The following DFFB variants were observed in gnomAD, a reference collection of about 807,000 sequenced individuals.
DFFB encodes the protein DNA fragmentation factor subunit beta.
A neutral mutation model predicts 32.7 loss-of-function variants in DFFB; 29 were observed. The observed-to-expected ratio is 0.89, with a 90% CI of 0.66 to 1.21. The LOEUF (loss-of-function observed/expected upper bound fraction) is 1.21. Among genes scored for constraint, DFFB ranks in the 50% most tolerant of loss-of-function variants. The pLI is 0.00. For synonymous variants in DFFB, 170 were observed against 177.1 expected (o/e 0.96, Z 0.32); for missense variants, 398 against 440.6 (o/e 0.90, Z 0.87).
At chr1:3,880,149 G>C (rs1376657737) in intron 6 of DFFB, among the ~76,000 whole-genome samples, 1 of 152,162 alleles carries the variant, frequency 6.6e-6, no homozygotes, top group Admixed American at 6.5e-5. Context: ...TTGGCCCCAT[G>C]GGCCATCAGC....
chr1:3,872,115 G>C (rs1163982220), intron 5 of DFFB, among the ~76,000 whole-genome samples: 1 of 152,296 alleles, frequency 6.6e-6, no homozygotes, highest in Middle Eastern at 3.4e-3. Context: ...GACTGAGACT[G>C]TATGAGACTC....
intron 2 of DFFB, among the ~76,000 whole-genome samples, chr1:3,864,572 C>G (rs10752724): frequency 0.91 from 138,936 of 152,232 alleles, 64,086 homozygotes; most frequent in Middle Eastern, 0.96. Context: ...CTGTTGCCCA[C>G]GTTGGAGTGC....
At chr1:3,873,038 A>G in intron 6 of DFFB, 1 of 1,218,852 alleles carries the variant, frequency 8.2e-7, no homozygotes, top group Non-Finnish European at 1.1e-6. Flanking sequence ...TCTGTGGCCC[A>G]GGCTAAAGTG....
chr1:3,883,773 A>G lies in DFFB; in HGVS notation c.*32A>G. Reference sequence around the variant, plus strand: ...CACACCACGTCCTGGTCTTTGTTTGAGGCCTGACGTGGGCATCATTTTAAC... The same window carrying G: ...CACACCACGTCCTGGTCTTTGTTTGGGGCCTGACGTGGGCATCATTTTAAC... On this transcript the variant is annotated 3_prime_UTR_variant, in exon 7 of 7. Coordinates refer to ENST00000378209, the MANE Select transcript of DFFB (RefSeq NM_004402.4). 1 of 1,586,644 alleles carries G rather than the reference A, an allele frequency of 6.3e-7. No individual in the cohort carries two copies. The highest frequency in any genetic ancestry group is 8.6e-7 in the Non-Finnish European group (1 of 1,158,530).
chr1:3,866,281 C>T lies in DFFB; in HGVS notation c.430+281C>T, dbSNP rs553115974. ...TGAGATGGAGTCTTGCTCTGTCCCC[C>T]AGGCTGGAGTGCAGTGGCGTGATCT... On this transcript the variant is annotated intron_variant, in intron 3 of 6. Coordinates refer to ENST00000378209, the MANE Select transcript of DFFB (RefSeq NM_004402.4). The T allele has an allele frequency of 1.2e-5, 6 of 502,586 alleles. No individual in the cohort carries two copies. The East Asian group carries it at 1.6e-4, about 13-fold the overall frequency. 31.1% of individuals were successfully genotyped at this position (502,586 alleles called of 1,614,324 possible).
Position 3,884,225 on chromosome 1 carries a change from G to GAC in DFFB, c.*486_*487dup, listed in dbSNP as rs1244874586. On this transcript the variant is annotated 3_prime_UTR_variant, in exon 7 of 7. Transcript: ENST00000378209. Reference sequence around the variant, plus strand: ...CCTTCTGACAGCCCAACTTCCAGAGGACAGCTCTGGGGTACTCGTTGGATG... The same window carrying GAC: ...CCTTCTGACAGCCCAACTTCCAGAGGACACAGCTCTGGGGTACTCGTTGGATG... 5.3e-6 allele frequency: 1 copy of GAC among 189,350 alleles called. No homozygotes were observed. Among genetic ancestry groups the GAC allele is most frequent in the Non-Finnish European group, 1.1e-5 (1 of 90,020 alleles). 11.7% of individuals were successfully genotyped at this position (189,350 alleles called of 1,614,324 possible).
At chr1:3,866,935 G>A (rs929222344) in intron 3 of DFFB, among the ~76,000 whole-genome samples, 1 of 152,008 alleles carries the variant, frequency 6.6e-6, no homozygotes, top group African/African-American at 2.4e-5. Flanking sequence ...TTGCTCTGTT[G>A]CCCAGGCTGG....
chr1:3,874,850 G>A (rs555324740), intron 6 of DFFB, among the ~76,000 whole-genome samples: 4 of 150,124 alleles, frequency 2.7e-5, no homozygotes, highest in South Asian at 2.1e-4. Context: ...TACCACATGC[G>A]TGTGGGTTTA....
intron 2 of DFFB, among the ~76,000 whole-genome samples, chr1:3,862,930 A>C (rs1644905467): frequency 1.3e-5 from 2 of 152,136 alleles, no homozygotes; most frequent in Non-Finnish European, 2.9e-5. Flanking sequence ...CGGGCAGATC[A>C]CTTGAGGTCA....
At chr1:3,859,126 A>G (rs1365826554) in intron 2 of DFFB, among the ~76,000 whole-genome samples, 2 of 152,124 alleles carry the variant, frequency 1.3e-5, no homozygotes, top group African/African-American at 2.4e-5. Context: ...GCAATTCCCA[A>G]GAGCAGAGGG....
rs139391933 is a variant in DFFB, at chr1:3,866,300, G to A, written c.430+300G>A. On this transcript the variant is annotated intron_variant, in intron 3 of 6. Transcript: ENST00000378209. ...GTCCCCCAGGCTGGAGTGCAGTGGC[G>A]TGATCTTGGCTCACCGCAACCTCTG... 3.5e-3 allele frequency: 1,625 copies of A among 465,906 alleles called. 30 individuals are homozygous for A. Among genetic ancestry groups the A allele is most frequent in the African/African-American group, 0.029 (1,469 of 50,472 alleles). 28.9% of individuals were successfully genotyped at this position (465,906 alleles called of 1,614,324 possible). A position where few individuals can be genotyped will look rare whatever the true frequency, so the allele number is the denominator to read the frequency against.
At position 3,869,608 on chromosome 1, in the gene DFFB, A is replaced by G; in HGVS notation, c.514A>G (p.Ser172Gly). 2 of 1,607,112 alleles carry G rather than the reference A, an allele frequency of 1.2e-6. No homozygotes were observed. The highest frequency in any genetic ancestry group is 1.7e-6 in the Non-Finnish European group (2 of 1,177,108). The change falls in exon 5 of 7, where the codon AGC becomes GGC. Residue 172 changes from serine (S) to glycine (G), a missense_variant. Transcript: ENST00000378209. ...CGACGTTCCTTGGTTCCTCCAGGTG[A>G]GCTCCTACCCCTCCACGGTGGGTGC... Reference protein sequence around the residue: ...SRIRSYLREVSSYPSTVGAEA... With the variant: ...SRIRSYLREVGSYPSTVGAEA...
chr1:3,872,345 G>A lies in DFFB; in HGVS notation c.682-127G>A, dbSNP rs568546274. 611 of 652,368 alleles carry A rather than the reference G, an allele frequency of 9.4e-4. 15 individuals are homozygous for A. The highest frequency in any genetic ancestry group is 9.1e-3 in the South Asian group (491 of 53,758). The allele number at this position is 652,368 out of a possible 1,614,324, so 40.4% of individuals were successfully genotyped here. A position where few individuals can be genotyped will look rare whatever the true frequency, so the allele number is the denominator to read the frequency against. The stretch of plus-strand genomic sequence containing the variant: ...GGAGAATCGCTTCAACACGGGAGGC[G>A]GAGGTTGTAGTAAGCCGAGATCGGG... On this transcript the variant is annotated intron_variant, in intron 5 of 6. Coordinates refer to ENST00000378209, the MANE Select transcript of DFFB (RefSeq NM_004402.4).
intron 5 of DFFB, among the ~76,000 whole-genome samples, chr1:3,872,041 A>G (rs895121928): frequency 2.0e-5 from 3 of 152,130 alleles, no homozygotes; most frequent in Non-Finnish European, 2.9e-5. Context: ...CGCCTCCCAC[A>G]CTAGTGCTGA....
intron 6 of DFFB, among the ~76,000 whole-genome samples, chr1:3,874,669 G>A (rs540297534): frequency 7.2e-5 from 10 of 139,394 alleles, no homozygotes; most frequent in East Asian, 6.7e-4. Flanking sequence ...CTGCAGAGCC[G>A]TGTAGCTGCA....
intron 6 of DFFB, among the ~76,000 whole-genome samples, chr1:3,879,396 TC>T (rs1465833142): frequency 1.3e-5 from 2 of 152,162 alleles, no homozygotes; most frequent in Non-Finnish European, 2.9e-5. Context: ...TCCATCATGT[TC>T]CCCAAGATTC....
At chr1:3,872,411 CAAGA>C (rs1645135838) in intron 5 of DFFB, 57 bp from the exon 6 acceptor site, 39 of 1,304,882 alleles carry the variant, frequency 3.0e-5, no homozygotes, top group East Asian at 2.2e-4. Context: ...GGCGCTGTCT[CAAGA>C]AAAAAAAAAA....
intron 6 of DFFB, chr1:3,872,961 C>A: frequency 8.1e-7 from 1 of 1,242,234 alleles, no homozygotes. Context: ...ACAGCGGGAG[C>A]TCCTGGTGTT....
intron 1 of DFFB, 115 bp from the exon 2 acceptor site, chr1:3,858,603 C>T (rs1436771112): frequency 3.0e-6 from 4 of 1,339,128 alleles, no homozygotes; most frequent in Non-Finnish European, 1.0e-6. Context: ...ATACAGGCGG[C>T]AGCCTGAGCC....
Sources: allele counts gnomAD v4.1 joint callset (sites outside exome capture counted in the v4.1 genomes callset), GRCh38; gene constraint gnomAD v4.1.1; transcripts MANE v1.5; gene names NCBI Gene and HGNC (gene_info 2026-07-23, HGNC 2026-07-21).